The following ZFHX3 variants were observed in gnomAD, a reference collection of about 807,000 sequenced individuals.
The protein encoded by ZFHX3 is zinc finger homeobox protein 3.
Under a neutral mutation model 279.1 loss-of-function variants are expected in ZFHX3, and 42 were observed. That is an observed-to-expected ratio of 0.15 (90% confidence interval 0.12 to 0.19). The LOEUF (loss-of-function observed/expected upper bound fraction) is 0.19. Ranked by LOEUF, ZFHX3 falls within the 10% of genes least tolerant of loss-of-function variation. ZFHX3 has a pLI of 1.00. For synonymous variants in ZFHX3, 2,293 were observed against 1,957.8 expected (o/e 1.17, Z -4.52); for missense variants, 4,981 against 4,754.0 (o/e 1.05, Z -1.40).
At chr16:73,784,763 T>C (rs34896513) in intron 1 of ZFHX3, among the ~76,000 whole-genome samples, 38,204 of 140,204 alleles carry the variant, frequency 0.27, 5,689 homozygotes, top group Non-Finnish European at 0.34. Flanking sequence ...AAAAAAATTT[T>C]TAAAAAACTA....
rs112343079 is a variant in ZFHX3, at chr16:72,975,207, C to T, written c.-49-15013G>A. 2.6e-5 allele frequency among the ~76,000 whole-genome samples: 4 copies of T among 152,160 alleles called. No individual in the cohort carries two copies. In the South Asian group the frequency reaches 8.3e-4, roughly 32 times the overall value. On this transcript the variant is annotated intron_variant, in intron 1 of 9. Transcript: ENST00000268489. The stretch of plus-strand genomic sequence containing the variant: ...CTGTAATCCCAGCACTTTGGGAGGC[C>T]GAGGTGGGCGGATCACTGGAGGTCA...
intron 2 of ZFHX3, among the ~76,000 whole-genome samples, chr16:73,502,837 T>C (rs936122842): frequency 2.6e-5 from 4 of 152,186 alleles, no homozygotes; most frequent in African/African-American, 9.6e-5. Flanking sequence ...CAGAAGGACT[T>C]CTTCTCATTT....
intron 3 of ZFHX3, among the ~76,000 whole-genome samples, chr16:73,449,086 ATG>A (rs1436382509): frequency 5.3e-5 from 8 of 152,190 alleles, no homozygotes; most frequent in African/African-American, 1.9e-4. Context: ...CTATGAGTCC[ATG>A]TATTAATCAA....
At chr16:72,837,022 C>T (rs1420228263) in intron 4 of ZFHX3, among the ~76,000 whole-genome samples, 1 of 152,212 alleles carries the variant, frequency 6.6e-6, no homozygotes, top group African/African-American at 2.4e-5. Context: ...TGCCCATTTG[C>T]TCTCTGCGTG....
intron 5 of ZFHX3, among the ~76,000 whole-genome samples, chr16:73,208,170 G>A (rs532427947): frequency 7.9e-5 from 12 of 152,090 alleles, no homozygotes; most frequent in Non-Finnish European, 1.6e-4. Flanking sequence ...GCCCCAAAAC[G>A]TTCCTAGCAA....
chr16:72,981,083 G>A (rs1467466974), intron 1 of ZFHX3, among the ~76,000 whole-genome samples: 1 of 152,124 alleles, frequency 6.6e-6, no homozygotes, highest in Admixed American at 6.5e-5. Flanking sequence ...TCAAAGAAAT[G>A]TGGGTTTCTC....
intron 4 of ZFHX3, among the ~76,000 whole-genome samples, chr16:72,882,977 GGTGTGT>G (rs56328056): frequency 0.083 from 5,400 of 64,840 alleles, 296 homozygotes; most frequent in Admixed American, 0.095. Flanking sequence ...ACCACTCTGG[GGTGTGT>G]GTGTGTGTGT....
chr16:73,039,164 C>T (rs1003549632), intron 1 of ZFHX3, among the ~76,000 whole-genome samples: 9 of 151,884 alleles, frequency 5.9e-5, no homozygotes, highest in African/African-American at 2.2e-4. Flanking sequence ...CCCTATGTTG[C>T]CCAGGCAGGT....
chr16:73,314,371 T>C (rs187572649), intron 4 of ZFHX3, among the ~76,000 whole-genome samples: 25 of 152,340 alleles, frequency 1.6e-4, no homozygotes, highest in African/African-American at 6.0e-4. Flanking sequence ...TTTCTGCCTG[T>C]ACCTTTCCTA....
intron 5 of ZFHX3, among the ~76,000 whole-genome samples, chr16:72,815,682 AT>A (rs1217756679): frequency 1.3e-5 from 2 of 152,262 alleles, no homozygotes; most frequent in African/African-American, 4.8e-5. Flanking sequence ...ACATGTCACA[AT>A]ATACAAAACA....
At chr16:72,889,555 A>G (rs1161870774) in intron 4 of ZFHX3, among the ~76,000 whole-genome samples, 176 bp downstream of exon 4, 1 of 152,076 alleles carries the variant, frequency 6.6e-6, no homozygotes, top group Non-Finnish European at 1.5e-5. Context: ...AAAGGCGGGC[A>G]GGCAACAATC....
chr16:73,456,706 G>C (rs1461255218), intron 2 of ZFHX3, among the ~76,000 whole-genome samples: 2 of 152,162 alleles, frequency 1.3e-5, no homozygotes, highest in Non-Finnish European at 1.5e-5. Context: ...CAAATTAATA[G>C]AGTGCCGCTC....
chr16:73,370,358 C>G (rs140186428), intron 3 of ZFHX3, among the ~76,000 whole-genome samples: 1 of 152,140 alleles, frequency 6.6e-6, no homozygotes, highest in African/African-American at 2.4e-5. Flanking sequence ...TAGCAGACTG[C>G]GTTCTCCCTG....
At chr16:73,733,356 C>A (rs2053584388) in intron 1 of ZFHX3, among the ~76,000 whole-genome samples, 1 of 152,178 alleles carries the variant, frequency 6.6e-6, no homozygotes, top group Non-Finnish European at 1.5e-5. Context: ...AAATGCATAT[C>A]ACTCTATCAG....
At chr16:73,271,207 C>T (rs533662406) in intron 4 of ZFHX3, among the ~76,000 whole-genome samples, 27 of 152,264 alleles carry the variant, frequency 1.8e-4, no homozygotes, top group African/African-American at 3.9e-4. Context: ...TACAAGCCAC[C>T]GGGAAAGAGC....
chr16:73,526,020 G>C (rs1265012787), intron 2 of ZFHX3, among the ~76,000 whole-genome samples: 2 of 152,202 alleles, frequency 1.3e-5, no homozygotes, highest in African/African-American at 2.4e-5. Context: ...AAAAGAAGGT[G>C]GTTGGGGACG....
chr16:73,711,412 A>T (rs568119164), intron 1 of ZFHX3, among the ~76,000 whole-genome samples: 1 of 152,346 alleles, frequency 6.6e-6, no homozygotes, highest in South Asian at 2.1e-4. Context: ...CAAGAAACGA[A>T]CAGTGAGCCT....
intron 3 of ZFHX3, among the ~76,000 whole-genome samples, chr16:73,366,896 T>G (rs1158745539): frequency 6.6e-6 from 1 of 152,166 alleles, no homozygotes; most frequent in South Asian, 2.1e-4. Flanking sequence ...CTAAAGTTCT[T>G]TGACATAGCT....
chr16:72,811,562 T>A lies in ZFHX3; in HGVS notation c.3864+15A>T. On this transcript the variant is annotated intron_variant, in intron 7 of 9. Coordinates refer to ENST00000268489, the MANE Select transcript of ZFHX3 (RefSeq NM_006885.4). ...CTGGAGAAAGACCACAGGGTGCTGC[T>A]CCTGGCTGCCTTACCGTCATAATGA... The A allele has an allele frequency of 4.5e-6, 7 of 1,567,808 alleles. No individual in the cohort carries two copies. The highest frequency in any genetic ancestry group is 6.1e-6 in the Non-Finnish European group (7 of 1,152,882).
Sources: gnomAD v4.1 joint callset for allele counts (sites outside exome capture counted in the v4.1 genomes callset) on GRCh38, gnomAD v4.1.1 for gene constraint, MANE v1.5 for transcripts, NCBI Gene and HGNC (gene_info 2026-07-23, HGNC 2026-07-21) for gene names.